Variants in CCT3 observed in about 807,000 individuals in gnomAD.
CCT3 encodes chaperonin containing TCP1 subunit 3.
CCT3 carries 10 observed loss-of-function variants against 65.3 expected under a neutral mutation model. The ratio of observed to expected loss-of-function variants is 0.15; its 90% CI spans 0.09 to 0.26. The LOEUF is 0.26. Among genes scored for constraint, CCT3 ranks in the 10% least tolerant of loss-of-function variants. The probability of loss-of-function intolerance (pLI) is 1.00; values close to 1 mark genes in which losing one functional copy is unlikely to be tolerated. For synonymous variants in CCT3, 225 were observed against 242.3 expected (o/e 0.93, Z 0.66); for missense variants, 626 against 708.7 (o/e 0.88, Z 1.33).
chr1:156,328,240 T>C (rs1192997598), intron 5 of CCT3, among the ~76,000 whole-genome samples: 1 of 127,454 alleles, frequency 7.8e-6, no homozygotes, highest in Non-Finnish European at 1.7e-5. Flanking sequence ...GGTAGGGGGG[T>C]CAGCCCCCGG....
At chr1:156,320,389 G>A (rs899860883) in intron 7 of CCT3, among the ~76,000 whole-genome samples, 9 of 152,070 alleles carry the variant, frequency 5.9e-5, no homozygotes, top group Admixed American at 4.6e-4. Flanking sequence ...GCCTCTGCGC[G>A]ACAGAGCAAG....
intron 1 of CCT3, 130 bp from the exon 2 acceptor site, chr1:156,336,018 T>G: frequency 1.6e-6 from 1 of 629,324 alleles, no homozygotes; most frequent in Non-Finnish European, 2.7e-6. Flanking sequence ...CTTATCAAAC[T>G]CTACACTTTA....
At chr1:156,323,908 G>A (rs767283523) in intron 6 of CCT3, among the ~76,000 whole-genome samples, 1 of 151,584 alleles carries the variant, frequency 6.6e-6, no homozygotes, top group Non-Finnish European at 1.5e-5. Flanking sequence ...GATTACAGGC[G>A]CATGCAACCA....
At chr1:156,327,199 C>T (rs1664853319) in intron 5 of CCT3, among the ~76,000 whole-genome samples, 1 of 152,132 alleles carries the variant, frequency 6.6e-6, no homozygotes, top group Admixed American at 6.5e-5. Flanking sequence ...AAGCCTTTTG[C>T]ACAAATTGCT....
intron 1 of CCT3, among the ~76,000 whole-genome samples, chr1:156,336,591 C>T (rs1313977930): frequency 6.6e-6 from 1 of 152,232 alleles, no homozygotes; most frequent in Non-Finnish European, 1.5e-5. Flanking sequence ...CATACTTTAA[C>T]TGGGAGGCTA....
At chr1:156,331,673 ACT>A (rs925947620) in intron 5 of CCT3, among the ~76,000 whole-genome samples, 4 of 150,072 alleles carry the variant, frequency 2.7e-5, no homozygotes, top group South Asian at 4.2e-4. Context: ...ACAGAGCAAG[ACT>A]CTGTCTCAAA....
chr1:156,315,783 A>G (rs1664283414), intron 10 of CCT3, among the ~76,000 whole-genome samples: 1 of 152,204 alleles, frequency 6.6e-6, no homozygotes, highest in South Asian at 2.1e-4. Flanking sequence ...AGTTGAATTC[A>G]AAATATACTT....
At chr1:156,322,333 C>T (rs1046698119) in intron 6 of CCT3, among the ~76,000 whole-genome samples, 15 of 151,326 alleles carry the variant, frequency 9.9e-5, no homozygotes, top group African/African-American at 3.6e-4. Context: ...CCCATCTCTA[C>T]TAAAAATACC....
intron 1 of CCT3, chr1:156,337,801 AC>A: frequency 3.0e-6 from 1 of 332,130 alleles, no homozygotes; most frequent in Non-Finnish European, 5.5e-6. Context: ...TGAAAAAAAA[AC>A]AAAAAAAAAC....
In CCT3 at chr1:156,329,168, T is replaced by G. The variant is rs141516344; in HGVS notation, c.305-4079A>C. Reference sequence around the variant, plus strand: ...TAACATGTTATACAGCTTTGTGGCCTAGAAGCAATAGGCTATACCATACAG... The same window carrying G: ...TAACATGTTATACAGCTTTGTGGCCGAGAAGCAATAGGCTATACCATACAG... On this transcript the variant is annotated intron_variant, in intron 5 of 13. Coordinates refer to ENST00000295688, the MANE Select transcript of CCT3 (RefSeq NM_005998.5). Among the ~76,000 whole-genome samples, 263 of 152,276 alleles carry G rather than the reference T, an allele frequency of 1.7e-3. 1 individual carries two copies. The highest frequency in any genetic ancestry group is 0.017 in the South Asian group (80 of 4,828).
intron 1 of CCT3, among the ~76,000 whole-genome samples, chr1:156,336,233 G>A (rs748454775): frequency 2.6e-5 from 4 of 151,958 alleles, no homozygotes; most frequent in African/African-American, 4.8e-5. Flanking sequence ...GGCCTTAGTG[G>A]GATAGCGAAC....
intron 2 of CCT3, 114 bp from the exon 3 acceptor site, chr1:156,335,032 AT>A: frequency 1.2e-6 from 1 of 832,632 alleles, no homozygotes; most frequent in Middle Eastern, 3.7e-4. Flanking sequence ...GTTTTATTTT[AT>A]TTTAATTTTA....
intron 7 of CCT3, among the ~76,000 whole-genome samples, 156 bp from the exon 8 acceptor site, chr1:156,319,173 T>G (rs963186302): frequency 1.3e-5 from 2 of 149,930 alleles, no homozygotes; most frequent in Non-Finnish European, 3.0e-5. Context: ...AGTGCAGTGG[T>G]GCAATCTCGG....
chr1:156,311,928 G>T, intron 11 of CCT3, 113 bp downstream of exon 11: 3 of 718,984 alleles, frequency 4.2e-6, no homozygotes, highest in Non-Finnish European at 6.1e-6. Context: ...TGTGGCTATA[G>T]GTCCAAATTA....
intron 10 of CCT3, among the ~76,000 whole-genome samples, chr1:156,314,178 C>A (rs1262308812): frequency 6.6e-6 from 1 of 151,618 alleles, no homozygotes; most frequent in Non-Finnish European, 1.5e-5. Flanking sequence ...ACTGAAGATG[C>A]CACAGTTGTT....
chr1:156,334,327 G>A (rs1444076673), intron 4 of CCT3, among the ~76,000 whole-genome samples: 2 of 151,854 alleles, frequency 1.3e-5, no homozygotes, highest in African/African-American at 4.8e-5. Flanking sequence ...TTTTGCAGAT[G>A]TAACCAAGTT....
intron 6 of CCT3, among the ~76,000 whole-genome samples, chr1:156,322,505 A>C (rs367577084): frequency 6.6e-6 from 1 of 152,076 alleles, no homozygotes; most frequent in African/African-American, 2.4e-5. Flanking sequence ...CACCCCAAAA[A>C]AATTTTTTTA....
At chr1:156,325,898 TA>T (rs1236121945) in intron 5 of CCT3, among the ~76,000 whole-genome samples, 1 of 151,254 alleles carries the variant, frequency 6.6e-6, no homozygotes, top group Non-Finnish European at 1.5e-5. Flanking sequence ...TTGATCTTTC[TA>T]AAAAAAAATT....
intron 10 of CCT3, among the ~76,000 whole-genome samples, chr1:156,312,433 A>G (rs2985711): frequency 0.79 from 120,891 of 152,090 alleles, 48,126 homozygotes; most frequent in African/African-American, 0.81. Context: ...GGCCAGGCAA[A>G]AGGATTGCTT....
Sources: gnomAD v4.1 joint callset for allele counts (sites outside exome capture counted in the v4.1 genomes callset) on GRCh38, gnomAD v4.1.1 for gene constraint, MANE v1.5 for transcripts, NCBI Gene and HGNC (gene_info 2026-07-23, HGNC 2026-07-21) for gene names.